Variants in CDH23 observed in about 807,000 individuals in gnomAD.
CDH23 encodes cadherin related 23, also known as cadherin-23.
Under a neutral mutation model 317.1 loss-of-function variants are expected in CDH23, and 189 were observed. That is an observed-to-expected ratio of 0.60 (90% CI 0.53 to 0.67). CDH23 has a LOEUF of 0.67. Ranked by LOEUF, CDH23 falls within the 30% of genes least tolerant of loss-of-function variation. The probability of loss-of-function intolerance (pLI) is 0.00; values close to 1 mark genes in which losing one functional copy is unlikely to be tolerated. For synonymous variants in CDH23, 1,839 were observed against 1,876.8 expected (o/e 0.98, Z 0.52); for missense variants, 4,401 against 4,592.4 (o/e 0.96, Z 1.20).
intron 40 of CDH23, 54 bp from the exon 41 acceptor site, chr10:71,779,213 C>G (rs966608201): frequency 6.4e-7 from 1 of 1,566,462 alleles, no homozygotes; most frequent in African/African-American, 1.4e-5. Context: ...GAACTGAGGC[C>G]CAGCACAAAG....
At chr10:71,724,971 G>A (rs906173579) in intron 29 of CDH23, among the ~76,000 whole-genome samples, 5 of 152,184 alleles carry the variant, frequency 3.3e-5, no homozygotes, top group African/African-American at 1.2e-4. Flanking sequence ...AACCACCCAT[G>A]GAGAATTTGG....
intron 38 of CDH23, among the ~76,000 whole-genome samples, chr10:71,772,743 A>AG (rs1355562161): frequency 2.2e-4 from 33 of 152,186 alleles, no homozygotes; most frequent in Admixed American, 2.1e-3. Flanking sequence ...CAGCCTTGCT[A>AG]GGATGGCAGG....
intron 7 of CDH23, among the ~76,000 whole-genome samples, chr10:71,568,393 G>T (rs1433397538): frequency 6.6e-6 from 1 of 152,204 alleles, no homozygotes; most frequent in Non-Finnish European, 1.5e-5. Flanking sequence ...ATGCTTGCCC[G>T]CTGTGGGATA....
chr10:71,528,247 A>G (rs1452831714), intron 6 of CDH23, among the ~76,000 whole-genome samples: 2 of 151,896 alleles, frequency 1.3e-5, no homozygotes, highest in Admixed American at 6.6e-5. Context: ...TAGGTGGGGT[A>G]TGTCACTCCA....
intron 24 of CDH23, among the ~76,000 whole-genome samples, chr10:71,704,495 G>A (rs1865704827): frequency 6.6e-6 from 1 of 152,184 alleles, no homozygotes; most frequent in African/African-American, 2.4e-5. Context: ...AAGCAAAGCG[G>A]GGCAGGGGAA....
chr10:71,653,995 G>A (rs1292906778), intron 14 of CDH23, among the ~76,000 whole-genome samples: 1 of 152,080 alleles, frequency 6.6e-6, no homozygotes, highest in Non-Finnish European at 1.5e-5. Flanking sequence ...CTAGACTCTG[G>A]GTCCTCTCAG....
intron 1 of CDH23, among the ~76,000 whole-genome samples, chr10:71,429,353 T>C (rs1325013252): frequency 6.6e-6 from 1 of 152,192 alleles, no homozygotes; most frequent in Non-Finnish European, 1.5e-5. Context: ...TCAAATTGAA[T>C]GGCAGGAGCT....
rs1030268631 is a variant in CDH23, at chr10:71,542,542, A to G, written c.430-24200A>G. Among the ~76,000 whole-genome samples, 4 of 152,188 alleles carry G rather than the reference A, an allele frequency of 2.6e-5. No individual in the cohort carries two copies. In the East Asian group the frequency reaches 5.8e-4, roughly 22 times the overall value. On this transcript the variant is annotated intron_variant, in intron 6 of 69. Coordinates refer to ENST00000224721, the MANE Select transcript of CDH23 (RefSeq NM_022124.6). ...CCTGCCCAACAGATGTCAGTTCTCC[A>G]GGGCCCCCTCTGCCCACAAGTCTTT...
intron 14 of CDH23, among the ~76,000 whole-genome samples, chr10:71,649,621 G>C (rs1352577959): frequency 6.6e-6 from 1 of 152,164 alleles, no homozygotes; most frequent in Non-Finnish European, 1.5e-5. Context: ...GTTTCCACTG[G>C]TGGCAGGAAA....
chr10:71,667,357 A>AGTGTGT (rs1174912824), intron 14 of CDH23, among the ~76,000 whole-genome samples: 2 of 90,766 alleles, frequency 2.2e-5, no homozygotes, highest in African/African-American at 8.0e-5. Flanking sequence ...AAAGAGAGAG[A>AGTGTGT]GAGTGTGTGT....
At chr10:71,591,584 G>T (rs949410985) in intron 9 of CDH23, among the ~76,000 whole-genome samples, 4 of 152,020 alleles carry the variant, frequency 2.6e-5, no homozygotes, top group African/African-American at 9.7e-5. Flanking sequence ...CCCTTAAAGA[G>T]TTTTTTTAAG....
chr10:71,797,290 A>C, intron 49 of CDH23, 70 bp downstream of exon 49: 1 of 1,081,656 alleles, frequency 9.2e-7, no homozygotes, highest in Non-Finnish European at 1.4e-6. Context: ...GGTGGGGAAC[A>C]GGCACTGGTC....
intron 28 of CDH23, among the ~76,000 whole-genome samples, chr10:71,718,440 C>G (rs746573917): frequency 2.6e-5 from 4 of 152,220 alleles, no homozygotes; most frequent in African/African-American, 9.6e-5. Context: ...GTGTGATGCC[C>G]GTCTAGCTGC....
chr10:71,409,917 C>A (rs1334363017), intron 1 of CDH23, among the ~76,000 whole-genome samples: 9 of 152,168 alleles, frequency 5.9e-5, no homozygotes, highest in Admixed American at 2.0e-4. Flanking sequence ...TCCCTTTGTG[C>A]CTGGTCTGGG....
chr10:71,718,821 C>T (rs1281922505), intron 28 of CDH23, among the ~76,000 whole-genome samples: 1 of 151,986 alleles, frequency 6.6e-6, no homozygotes, highest in Non-Finnish European at 1.5e-5. Context: ...AATCCCAGCA[C>T]TTTGGGAGGC....
intron 11 of CDH23, among the ~76,000 whole-genome samples, chr10:71,633,144 G>A (rs1347376278): frequency 6.6e-6 from 1 of 151,990 alleles, no homozygotes; most frequent in African/African-American, 2.4e-5. Flanking sequence ...GAATGGATTA[G>A]TCCATTCATG....
At chr10:71,408,608 G>C (rs1385096133) in intron 1 of CDH23, among the ~76,000 whole-genome samples, 2 of 152,174 alleles carry the variant, frequency 1.3e-5, no homozygotes, top group Non-Finnish European at 2.9e-5. Flanking sequence ...GCTAGGACCT[G>C]CCAGGCAGCT....
intron 38 of CDH23, among the ~76,000 whole-genome samples, chr10:71,744,117 A>T (rs1029995836): frequency 1.3e-5 from 2 of 152,180 alleles, no homozygotes; most frequent in Non-Finnish European, 2.9e-5. Context: ...AAAATGAGGG[A>T]CAGGATTATC....
chr10:71,783,407 C>T lies in CDH23; in HGVS notation c.5369-880C>T, dbSNP rs371500411. Among the ~76,000 whole-genome samples the T allele has an allele frequency of 7.2e-5, 11 of 152,348 alleles. No individual in the cohort carries two copies. In the South Asian group the frequency reaches 2.1e-3, roughly 29 times the overall value. On this transcript the variant is annotated intron_variant, in intron 41 of 69. Coordinates refer to ENST00000224721, the MANE Select transcript of CDH23 (RefSeq NM_022124.6). ...TCCTGTGCGAGGCAATGGGTTAAGA[C>T]CCAGAGTGCTGGGTTTGAATCCTGG...
Sources: allele counts gnomAD v4.1 joint callset (sites outside exome capture counted in the v4.1 genomes callset), GRCh38; gene constraint gnomAD v4.1.1; transcripts MANE v1.5; gene names NCBI Gene and HGNC (gene_info 2026-07-23, HGNC 2026-07-21).